PDIK1L: variants seen among roughly 807,000 people sequenced by gnomAD.
PDIK1L encodes the protein PDLIM1 interacting kinase 1 like, also known as serine/threonine-protein kinase PDIK1L.
A neutral mutation model predicts 27.1 loss-of-function variants in PDIK1L; 9 were observed. The observed-to-expected ratio is 0.33, with a 90% CI of 0.20 to 0.58. The LOEUF (loss-of-function observed/expected upper bound fraction) is 0.58, where lower values mean the gene tolerates loss of function less well. Among genes scored for constraint, PDIK1L ranks in the 20% least tolerant of loss-of-function variants. PDIK1L has a pLI of 0.86. For synonymous variants in PDIK1L, 130 were observed against 141.7 expected, an observed-to-expected ratio of 0.92 and a Z score of 0.59; for missense variants, 216 against 413.2, an observed-to-expected ratio of 0.52 and a Z score of 4.14.
In PDIK1L at chr1:26,122,856, G is replaced by T; in HGVS notation, c.*279G>T. 2 of 248,246 alleles carry T rather than the reference G, an allele frequency of 8.1e-6. No homozygotes were observed. Among genetic ancestry groups the T allele is most frequent in the South Asian group, 1.1e-4 (1 of 9,004 alleles). 15.4% of individuals were successfully genotyped at this position (248,246 alleles called of 1,614,324 possible). On this transcript the variant is annotated 3_prime_UTR_variant, in exon 3 of 3. Transcript: ENST00000374269. The surrounding 1 kb of genome is among the most constrained non-coding windows in gnomAD (Gnocchi z 5.4). ...CTTTAAGAGCTAACAAGAGAAGAGA[G>T]TCCAGTTTTCTGGAAATATGTCTTT... is the stretch of plus-strand genomic sequence containing the variant.
chr1:26,111,753 C>G (rs1448940398), upstream of PDIK1L: 1 of 151,400 alleles, frequency 6.6e-6, no homozygotes, highest in East Asian at 2.0e-4. This position sits in a 1 kb window ranked among gnomAD's most constrained non-coding sequence, Gnocchi z 4.0. Context: ...CTACGGAAAG[C>G]CGGAGGGGGG....
rs1032118385 is a variant in PDIK1L, at chr1:26,124,980, C to T, written c.*2403C>T. On this transcript the variant is annotated 3_prime_UTR_variant, in exon 3 of 3. Coordinates refer to ENST00000374269, the MANE Select transcript of PDIK1L (RefSeq NM_152835.5). ...AAAACTTCGTACACAGTGCCTTGCC[C>T]ATAATAGGTACTCAATAAGCAATTG... 6.6e-6 allele frequency: 1 copy of T among 152,516 alleles called. No homozygotes were observed. Among genetic ancestry groups the T allele is most frequent in the South Asian group, 2.1e-4 (1 of 4,828 alleles). The allele number at this position is 152,516 out of a possible 1,614,324, so 9.4% of individuals were successfully genotyped here. A position where few individuals can be genotyped will look rare whatever the true frequency, so the allele number is the denominator to read the frequency against.
In PDIK1L at chr1:26,122,752, G is replaced by T. The variant is rs199666459; in HGVS notation, c.*175G>T. 18 of 716,676 alleles carry T rather than the reference G, an allele frequency of 2.5e-5. No individual in the cohort carries two copies. Among genetic ancestry groups the T allele is most frequent in the Middle Eastern group, 4.3e-4 (1 of 2,336 alleles). The allele number at this position is 716,676 out of a possible 1,614,324, so 44.4% of individuals were successfully genotyped here. A position where few individuals can be genotyped will look rare whatever the true frequency, so the allele number is the denominator to read the frequency against. ...TAAATCCAAGTTGGCCGTTTTATTA[G>T]TATGTTTCAAATGTGTATTACCAAT... On this transcript the variant is annotated 3_prime_UTR_variant, in exon 3 of 3. Coordinates refer to ENST00000374269, the MANE Select transcript of PDIK1L (RefSeq NM_152835.5). The surrounding 1 kb of genome is among the most constrained non-coding windows in gnomAD (Gnocchi z 5.4).
intron 2 of PDIK1L, among the ~76,000 whole-genome samples, chr1:26,117,022 TTTTTTTTTTTTTTTTTTTTTC>T (rs1420702293): frequency 8.5e-6 from 1 of 117,232 alleles, no homozygotes; most frequent in African/African-American, 3.4e-5. Context: ...AACCTTTTTT[TTTTTTTTTTTTTTTTTTTTTC>T]TTTTTTGAGA....
At chr1:26,121,061 T>G (rs912821162) in intron 2 of PDIK1L, among the ~76,000 whole-genome samples, 11 of 151,908 alleles carry the variant, frequency 7.2e-5, no homozygotes, top group African/African-American at 2.7e-4. Flanking sequence ...TAGATAATAA[T>G]AACAAATAAA....
At chr1:26,118,914 C>T (rs1057152042) in intron 2 of PDIK1L, among the ~76,000 whole-genome samples, 8 of 152,182 alleles carry the variant, frequency 5.3e-5, no homozygotes, top group Non-Finnish European at 1.0e-4. Flanking sequence ...TGTCTTCTTC[C>T]TTGTTCTCAG....
In PDIK1L at chr1:26,121,992, G is replaced by T; in HGVS notation, c.441G>T (p.Gln147His). The stretch of plus-strand genomic sequence containing the variant: ...AAACTAACACCAGCTTCATGCTTCA[G>T]CTGAGCAGTGCCCTGGCTTTCTTGC... The part of the protein sequence containing the change: ...NRKTNTSFML[Q>H]LSSALAFLHK... Residue 147 changes from glutamine (Q) to histidine (H), a missense_variant, in exon 3 of 3, where the codon CAG (glutamine) becomes CAT (histidine). Around this residue, in one of 2 missense-constraint regions of PDIK1L, gnomAD observed 169 missense variants for 366.0 expected, o/e 0.46. Transcript: ENST00000374269. 1 of 1,614,060 alleles carries T rather than the reference G, an allele frequency of 6.2e-7. No homozygotes were observed. Among genetic ancestry groups the T allele is most frequent in the Non-Finnish European group, 8.5e-7 (1 of 1,180,016 alleles).
intron 2 of PDIK1L, among the ~76,000 whole-genome samples, chr1:26,117,280 C>G (rs2087895264): frequency 6.6e-6 from 1 of 151,902 alleles, no homozygotes; most frequent in Admixed American, 6.6e-5. Flanking sequence ...GATCCATCTG[C>G]TGCAGCCTCC....
At position 26,121,920 on chromosome 1, in the gene PDIK1L, C is replaced by T. The variant is rs1403615463; in HGVS notation, c.369C>T (p.Asp123=). 12 of 1,613,752 alleles carry T rather than the reference C, an allele frequency of 7.4e-6. No homozygotes were observed. The highest frequency in any genetic ancestry group is 2.2e-5 in the South Asian group (2 of 91,068). The change falls in exon 3 of 3, where the codon GAC becomes GAT. Residue 123 remains aspartate, a synonymous_variant. Transcript: ENST00000374269. ...YYLWFVMDFC[D]GGDMNEYLLS... ...TGTGGTTTGTGATGGATTTTTGTGA[C>T]GGAGGAGATATGAATGAGTATCTGT...
intron 2 of PDIK1L, among the ~76,000 whole-genome samples, chr1:26,120,916 C>G (rs1418657637): frequency 6.9e-6 from 1 of 144,920 alleles, no homozygotes; most frequent in African/African-American, 2.6e-5. Flanking sequence ...TGCGCCATTG[C>G]ACTCCAGCCT....
rs2087854665 is a variant in PDIK1L, at chr1:26,114,956, A to G, written c.285+363A>G. Among the ~76,000 whole-genome samples, 1 of 152,218 alleles carries G rather than the reference A, an allele frequency of 6.6e-6. No homozygotes were observed. The highest frequency in any genetic ancestry group is 2.4e-5 in the African/African-American group (1 of 41,454). ...GAAGAAAAGGAAAAATTCCACAACC[A>G]GTAGCAACACCCCTAGGTAATTGGG... On this transcript the variant is annotated intron_variant, in intron 2 of 2. Coordinates refer to ENST00000374269, the MANE Select transcript of PDIK1L (RefSeq NM_152835.5). The surrounding 1 kb of genome is among the most constrained non-coding windows in gnomAD (Gnocchi z 4.8).
chr1:26,121,644 T>G (rs747069671), intron 2 of PDIK1L, among the ~76,000 whole-genome samples, 193 bp from the exon 3 acceptor site: 64 of 152,204 alleles, frequency 4.2e-4, no homozygotes, highest in Admixed American at 6.5e-4. Context: ...TGTATATTTA[T>G]CAGGGACAAA....
chr1:26,121,476 C>T lies in PDIK1L; in HGVS notation c.286-361C>T, dbSNP rs576524356. On this transcript the variant is annotated intron_variant, in intron 2 of 2. Transcript: ENST00000374269. ...AGGTTTATACCCCAGCTGGCAATTTCCTAGGTCTATCTGCTGAAACTTTGG... is the reference window on the plus strand; with the variant it reads ...AGGTTTATACCCCAGCTGGCAATTTTCTAGGTCTATCTGCTGAAACTTTGG... Among the ~76,000 whole-genome samples, 295 of 152,306 alleles carry T rather than the reference C, an allele frequency of 1.9e-3. 3 individuals are homozygous for T. Among genetic ancestry groups the T allele is most frequent in the Non-Finnish European group, 1.4e-3 (98 of 68,028 alleles).
Position 26,124,272 on chromosome 1 carries a change from T to G in PDIK1L, c.*1695T>G, listed in dbSNP as rs191102428. 2 of 152,396 alleles carry G rather than the reference T, an allele frequency of 1.3e-5. No individual in the cohort carries two copies. Among genetic ancestry groups the G allele is most frequent in the African/African-American group, 4.8e-5 (2 of 41,576 alleles). The allele number at this position is 152,396 out of a possible 1,614,324, so 9.4% of individuals were successfully genotyped here. ...TTAAAATTTGGACTAAAAGGTTTTA[T>G]TGAAATAAAGCCTCTTAAAATGAAA... On this transcript the variant is annotated 3_prime_UTR_variant, in exon 3 of 3. Transcript: ENST00000374269.
intron 2 of PDIK1L, among the ~76,000 whole-genome samples, chr1:26,116,017 A>T (rs1213785808): frequency 1.3e-5 from 2 of 152,152 alleles, no homozygotes; most frequent in Non-Finnish European, 2.9e-5. Flanking sequence ...CCTGGCCAAC[A>T]TGGCAAAACC....
intron 2 of PDIK1L, among the ~76,000 whole-genome samples, chr1:26,115,758 C>T (rs1368841215): frequency 4.6e-5 from 7 of 151,512 alleles, no homozygotes; most frequent in African/African-American, 1.5e-4. Flanking sequence ...GCCGAGATCG[C>T]GCCACTGCAC....
intron 2 of PDIK1L, among the ~76,000 whole-genome samples, chr1:26,117,287 C>G (rs2087895435): frequency 1.3e-5 from 2 of 152,060 alleles, no homozygotes; most frequent in Admixed American, 1.3e-4. Context: ...CTGCTGCAGC[C>G]TCCCAAAGTG....
chr1:26,122,733 C>A lies in PDIK1L; in HGVS notation c.*156C>A, dbSNP rs2088009783. 2 of 914,900 alleles carry A rather than the reference C, an allele frequency of 2.2e-6. No individual in the cohort carries two copies. Among genetic ancestry groups the A allele is most frequent in the African/African-American group, 1.7e-5 (1 of 59,020 alleles). The allele number at this position is 914,900 out of a possible 1,614,324, so 56.7% of individuals were successfully genotyped here. A position where few individuals can be genotyped will look rare whatever the true frequency, so the allele number is the denominator to read the frequency against. ...TTTTTTTCCTCATTTTTCTTAAATC[C>A]AAGTTGGCCGTTTTATTAGTATGTT... On this transcript the variant is annotated 3_prime_UTR_variant, in exon 3 of 3. Coordinates refer to ENST00000374269, the MANE Select transcript of PDIK1L (RefSeq NM_152835.5). This position sits in a 1 kb window ranked among gnomAD's most constrained non-coding sequence, Gnocchi z 5.4.
chr1:26,119,645 G>T (rs892714813), intron 2 of PDIK1L, among the ~76,000 whole-genome samples: 1 of 152,142 alleles, frequency 6.6e-6, no homozygotes, highest in Admixed American at 6.6e-5. Context: ...CGGATCACAA[G>T]GTCAATACAT....
Sources: gnomAD v4.1 joint callset for allele counts (sites outside exome capture counted in the v4.1 genomes callset) on GRCh38, gnomAD v4.1.1 for gene constraint, gnomAD v4.1.1 regional missense constraint, Gnocchi (gnomAD v3.1) non-coding constraint, MANE v1.5 for transcripts, NCBI Gene and HGNC (gene_info 2026-07-23, HGNC 2026-07-21) for gene names.